Variants in ELOA observed in about 807,000 individuals in gnomAD.
ELOA encodes elongin A.
ELOA carries 15 observed loss-of-function variants against 85.2 expected under a neutral mutation model. That is an observed-to-expected ratio of 0.18 (90% confidence interval 0.12 to 0.27). ELOA has a LOEUF of 0.27. ELOA is among the 10% of genes least tolerant of loss of function. The probability of loss-of-function intolerance (pLI) is 1.00; values close to 1 mark genes in which losing one functional copy is unlikely to be tolerated. For missense variants in ELOA, 769 were observed against 952.7 expected, an observed-to-expected ratio of 0.81 and a Z score of 2.54; for synonymous variants, 348 against 357.2, an observed-to-expected ratio of 0.97 and a Z score of 0.29.
chr1:23,745,924 G>C (rs138405031), intron 1 of ELOA, among the ~76,000 whole-genome samples: 1 of 152,244 alleles, frequency 6.6e-6, no homozygotes, highest in Non-Finnish European at 1.5e-5. Flanking sequence ...TCACTTAAGG[G>C]AGAAGGTATC....
chr1:23,743,691 G>A (rs1360222632), intron 1 of ELOA, 113 bp downstream of exon 1: 4 of 1,254,292 alleles, frequency 3.2e-6, no homozygotes, highest in African/African-American at 1.6e-5. Flanking sequence ...GCCAGGCCCC[G>A]CGGGGCTGGG....
At chr1:23,745,793 A>G (rs1295914056) in intron 1 of ELOA, among the ~76,000 whole-genome samples, 1 of 152,178 alleles carries the variant, frequency 6.6e-6, no homozygotes, top group East Asian at 1.9e-4. Context: ...TGAATTTACA[A>G]CCAGATCTTG....
intron 10 of ELOA, among the ~76,000 whole-genome samples, chr1:23,757,959 T>A (rs1371734857): frequency 6.6e-6 from 1 of 152,000 alleles, no homozygotes; most frequent in Admixed American, 6.6e-5. Context: ...GAGAATTGCT[T>A]GAACCTGGCA....
In ELOA at chr1:23,759,797, C is replaced by T; in HGVS notation, c.*224C>T. 1 of 552,986 alleles carries T rather than the reference C, an allele frequency of 1.8e-6. No homozygotes were observed. Among genetic ancestry groups the T allele is most frequent in the Non-Finnish European group, 3.2e-6 (1 of 310,212 alleles). The allele number at this position is 552,986 out of a possible 1,614,324, so 34.3% of individuals were successfully genotyped here. On this transcript the variant is annotated 3_prime_UTR_variant, in exon 11 of 11. Coordinates refer to ENST00000613537, the MANE Select transcript of ELOA (RefSeq NM_003198.3). ...TTCTGAAGATGTGAAGCCTCTGTCT[C>T]ACTGAGGATTTTAAAGGTCAATTAT...
Position 23,756,200 on chromosome 1 carries a change from A to G in ELOA, c.1973-74A>G, listed in dbSNP as rs1390407405. The G allele has an allele frequency of 3.4e-6, 5 of 1,464,370 alleles. No individual in the cohort carries two copies. The East Asian group carries it at 1.2e-4, about 36-fold the overall frequency. 90.7% of individuals were successfully genotyped at this position (1,464,370 alleles called of 1,614,324 possible). ...CAAGTGGGGTTTCAGGGCACTCAAA[A>G]AGCCCGTGGATTATTTAAATAACAG... On this transcript the variant is annotated intron_variant, in intron 8 of 10. Coordinates refer to ENST00000613537, the MANE Select transcript of ELOA (RefSeq NM_003198.3).
intron 4 of ELOA, 96 bp from the exon 5 acceptor site, chr1:23,752,311 G>A: frequency 1.6e-6 from 2 of 1,227,924 alleles, no homozygotes; most frequent in South Asian, 2.7e-5. Context: ...ATCTTCCTGT[G>A]CAAGATGTCC....
In ELOA at chr1:23,752,089, AGAG is replaced by A. The variant is rs1644774005; in HGVS notation, c.1425+62_1425+64del. ...CAGAGCACCTGGCCCTGCAGAGCTC[AGAG>A]GATTGCCCTGCCACTGTTTTCCTTA... On this transcript the variant is annotated intron_variant, in intron 4 of 10. Transcript: ENST00000613537. 3 of 1,478,624 alleles carry A rather than the reference AGAG, an allele frequency of 2.0e-6. No homozygotes were observed. The Admixed American group carries it at 6.9e-5, about 34-fold the overall frequency. The allele number at this position is 1,478,624 out of a possible 1,614,324, so 91.6% of individuals were successfully genotyped here.
Position 23,761,917 on chromosome 1 carries a change from C to T in ELOA, c.*2344C>T, listed in dbSNP as rs536206726. The T allele has an allele frequency of 2.0e-5, 3 of 152,196 alleles. No homozygotes were observed. The highest frequency in any genetic ancestry group is 2.9e-5 in the Non-Finnish European group (2 of 68,022). The allele number at this position is 152,196 out of a possible 1,614,324, so 9.4% of individuals were successfully genotyped here. ...GGAGGGAAAGGAGCAAGGTGTCATC[C>T]TGCTCTTCATTTGTATTTTGGTCCC... On this transcript the variant is annotated 3_prime_UTR_variant, in exon 11 of 11. Transcript: ENST00000613537.
intron 2 of ELOA, 24 bp from the exon 3 acceptor site, chr1:23,749,818 A>G: frequency 6.2e-7 from 1 of 1,609,504 alleles, no homozygotes; most frequent in Non-Finnish European, 8.5e-7. Flanking sequence ...AGACCCCTCT[A>G]ACAATTACTT....
rs988200692 is a variant in ELOA at position 23,761,987 on chromosome 1, C to T, written c.*2414C>T. The T allele has an allele frequency of 6.6e-6, 1 of 151,928 alleles. No homozygotes were observed. Among genetic ancestry groups the T allele is most frequent in the African/African-American group, 2.4e-5 (1 of 41,348 alleles). 9.4% of individuals were successfully genotyped at this position (151,928 alleles called of 1,614,324 possible). On this transcript the variant is annotated 3_prime_UTR_variant, in exon 11 of 11. Coordinates refer to ENST00000613537, the MANE Select transcript of ELOA (RefSeq NM_003198.3). The stretch of plus-strand genomic sequence containing the variant: ...CTATGTTACTTTTTTGTGGTAACTA[C>T]CGAGATGAATATTTTAATTAGATAA...
intron 1 of ELOA, among the ~76,000 whole-genome samples, chr1:23,748,313 C>T (rs1570590005): frequency 2.0e-5 from 3 of 152,178 alleles, no homozygotes; most frequent in South Asian, 2.1e-4. Context: ...GATCACTCAT[C>T]GAGTGACAAA....
chr1:23,750,261 C>T (rs375020794), intron 3 of ELOA, among the ~76,000 whole-genome samples: 3 of 145,492 alleles, frequency 2.1e-5, no homozygotes, highest in East Asian at 4.1e-4. Context: ...CTGCAAGCTC[C>T]GCCTCCCAGG....
intron 4 of ELOA, among the ~76,000 whole-genome samples, 147 bp from the exon 5 acceptor site, chr1:23,752,237 CTCATCTGTATTTATTTCCTGACT>C (rs1401883198): frequency 1.6e-4 from 25 of 152,310 alleles, no homozygotes; most frequent in African/African-American, 6.0e-4. Context: ...TTGTGATGGG[CTCATCTGTATTTATTTCCTGACT>C]GAGGTGGTGT....
Position 23,759,650 on chromosome 1 carries a change from A to C in ELOA, c.*77A>C. 1.3e-6 allele frequency: 2 copies of C among 1,523,780 alleles called. No individual in the cohort carries two copies. Among genetic ancestry groups the C allele is most frequent in the South Asian group, 2.2e-5 (2 of 89,050 alleles). The allele number at this position is 1,523,780 out of a possible 1,614,324, so 94.4% of individuals were successfully genotyped here. A position where few individuals can be genotyped will look rare whatever the true frequency, so the allele number is the denominator to read the frequency against. Reference sequence around the variant, plus strand: ...AGTGGGGGTTGGGGAATGGAATTCTACAGGAGACTGGAGTCTTGCTTTGTG... The same window carrying C: ...AGTGGGGGTTGGGGAATGGAATTCTCCAGGAGACTGGAGTCTTGCTTTGTG... On this transcript the variant is annotated 3_prime_UTR_variant, in exon 11 of 11. Transcript: ENST00000613537.
At chr1:23,758,228 T>C (rs1024019412) in intron 10 of ELOA, among the ~76,000 whole-genome samples, 2 of 149,684 alleles carry the variant, frequency 1.3e-5, no homozygotes, top group African/African-American at 4.9e-5. Flanking sequence ...TTATTCTTTA[T>C]ATCTAATTGG....
rs1638264470 is a variant in ELOA at position 23,759,620 on chromosome 1, A to G, written c.*47A>G. ...TGGAATCTGGGGAGGCAGGAATACA[A>G]GGACAGTGGGGGTTGGGGAATGGAA... On this transcript the variant is annotated 3_prime_UTR_variant, in exon 11 of 11. Transcript: ENST00000613537. The G allele has an allele frequency of 1.3e-6, 2 of 1,597,824 alleles. No individual in the cohort carries two copies. The highest frequency in any genetic ancestry group is 1.7e-6 in the Non-Finnish European group (2 of 1,165,260).
At chr1:23,756,131 G>A (rs1421989912) in intron 8 of ELOA, 108 bp downstream of exon 8, 19 of 1,466,476 alleles carry the variant, frequency 1.3e-5, no homozygotes, top group Non-Finnish European at 1.7e-5. Context: ...CCTACATCAG[G>A]TAGCAGGGTG....
At chr1:23,758,255 A>ATTTTTTTTTTTTTTTTTTTTTTTTTT (rs1638235539) in intron 10 of ELOA, among the ~76,000 whole-genome samples, 1 of 36,220 alleles carries the variant, frequency 2.8e-5, no homozygotes, top group African/African-American at 1.5e-4. Context: ...CAATTTATTT[A>ATTTTTTTTTTTTTTTTTTTTTTTTTT]TTTATTTTTT....
At chr1:23,750,181 T>TTG (rs1346893338) in intron 3 of ELOA, among the ~76,000 whole-genome samples, 7 of 130,430 alleles carry the variant, frequency 5.4e-5, no homozygotes, top group Non-Finnish European at 7.9e-5. Context: ...TTTTTTTTTT[T>TTG]TTTTTTTTTT....
Sources: allele counts gnomAD v4.1 joint callset (sites outside exome capture counted in the v4.1 genomes callset), GRCh38; gene constraint gnomAD v4.1.1; transcripts MANE v1.5; gene names NCBI Gene and HGNC (gene_info 2026-07-23, HGNC 2026-07-21).